The following COG2 variants were observed in gnomAD, a reference collection of about 807,000 sequenced individuals.
COG2 encodes the protein component of oligomeric golgi complex 2, also known as conserved oligomeric Golgi complex subunit 2.
Under a neutral mutation model 90.6 loss-of-function variants are expected in COG2, and 52 were observed. The observed-to-expected ratio is 0.57, with a 90% CI of 0.46 to 0.72. COG2 has a LOEUF of 0.72. Ranked by LOEUF, COG2 falls within the 30% of genes least tolerant of loss-of-function variation. The probability of loss-of-function intolerance (pLI) is 0.00; values close to 1 mark genes in which losing one functional copy is unlikely to be tolerated. For synonymous variants in COG2, 337 were observed against 320.4 expected (o/e 1.05, Z -0.55); for missense variants, 829 against 891.2 (o/e 0.93, Z 0.89).
intron 1 of COG2, chr1:230,643,070 A>G (rs1558265301): frequency 1.6e-5 from 3 of 189,014 alleles, no homozygotes; most frequent in Non-Finnish European, 3.2e-5. Flanking sequence ...AAGCCCACGT[A>G]CTTTCCTAGG....
chr1:230,673,206 A>T (rs1383601307), intron 8 of COG2, among the ~76,000 whole-genome samples: 1 of 152,154 alleles, frequency 6.6e-6, no homozygotes. Context: ...GCTTTAGTGG[A>T]TCTTTTCCAC....
intron 4 of COG2, 32 bp downstream of exon 4, chr1:230,663,253 G>A (rs759827537): frequency 6.4e-6 from 10 of 1,560,678 alleles, no homozygotes; most frequent in Non-Finnish European, 7.9e-6. Flanking sequence ...TTAAATCGTT[G>A]ATTCACTGTA....
chr1:230,688,373 G>A (rs750664041), intron 14 of COG2, 47 bp from the exon 15 acceptor site: 1 of 1,607,630 alleles, frequency 6.2e-7, no homozygotes, highest in East Asian at 2.2e-5. Context: ...TGAAGTTCAT[G>A]TCTGGGCCTG....
chr1:230,689,338 AAT>A (rs760689821), intron 15 of COG2, among the ~76,000 whole-genome samples: 1 of 152,222 alleles, frequency 6.6e-6, no homozygotes, highest in Non-Finnish European at 1.5e-5. Flanking sequence ...GAGAGAAACC[AAT>A]ATGTTATTTT....
At chr1:230,691,294 ATC>A in intron 16 of COG2, 88 bp from the exon 17 acceptor site, 1 of 1,173,078 alleles carries the variant, frequency 8.5e-7, no homozygotes, top group Middle Eastern at 2.0e-4. Flanking sequence ...TATCTTAAAA[ATC>A]TCTTTTTTTG....
In COG2 at chr1:230,687,022, G is replaced by A. The variant is rs768772073; in HGVS notation, c.1468G>A (p.Gly490Arg). The A allele has an allele frequency of 7.4e-6, 12 of 1,611,460 alleles. No individual in the cohort carries two copies. In the Admixed American group the frequency reaches 1.5e-4, roughly 20 times the overall value. ...TAGCAAAGAACCTTCCATCACCCAA[G>A]GAAACACTGAAGACCAAGGAAGTGG... is the stretch of plus-strand genomic sequence containing the variant. ...TGSKEPSITQ[G>R]NTEDQGSGPS... The change falls in exon 13 of 18, where the codon GGA becomes AGA. Residue 490 changes from glycine to arginine, a missense_variant. Coordinates refer to ENST00000366669, the MANE Select transcript of COG2 (RefSeq NM_007357.3).
Position 230,671,499 on chromosome 1 carries a change from G to C in COG2, c.775-17G>C. ...CCTTTTAAATGCTTTTTTAAAAAAT[G>C]ATTTTTCTTTTAATAGGTGATTATA... On this transcript the variant is annotated splice_polypyrimidine_tract_variant and intron_variant, in intron 7 of 17. Transcript: ENST00000366669. 6.3e-7 allele frequency: 1 copy of C among 1,591,572 alleles called. No individual in the cohort carries two copies. The highest frequency in any genetic ancestry group is 1.2e-5 in the South Asian group (1 of 86,750).
rs764359508 is a variant in COG2, at chr1:230,691,480, C to T, written c.2031C>T (p.Asn677=). The change falls in exon 17 of 18, where the codon AAC becomes AAT. Residue 677 remains asparagine (N), a synonymous_variant. Transcript: ENST00000366669. ...LKQARKTTPA[N]PVGPSGGMSD... Reference sequence around the variant, plus strand: ...AAGCCAGAAAAACCACTCCCGCCAACCCCGTCGGTCCCAGTGGTGGCATGA... The same window carrying T: ...AAGCCAGAAAAACCACTCCCGCCAATCCCGTCGGTCCCAGTGGTGGCATGA... The T allele has an allele frequency of 3.1e-6, 5 of 1,614,166 alleles. No homozygotes were observed. The highest frequency in any genetic ancestry group is 4.2e-6 in the Non-Finnish European group (5 of 1,180,030).
At chr1:230,690,360 G>A in intron 16 of COG2, 2 of 471,280 alleles carry the variant, frequency 4.2e-6, no homozygotes, top group Non-Finnish European at 7.4e-6. Context: ...CCTCTGCCTG[G>A]GCTTCAGCCT....
chr1:230,685,376 C>A, intron 12 of COG2, 140 bp downstream of exon 12: 1 of 787,914 alleles, frequency 1.3e-6, no homozygotes, highest in Non-Finnish European at 2.0e-6. Flanking sequence ...CCAAGATTGT[C>A]TCCAGCTCTG....
chr1:230,663,058 TC>T, intron 3 of COG2, 82 bp from the exon 4 acceptor site: 1 of 1,097,234 alleles, frequency 9.1e-7, no homozygotes, highest in Non-Finnish European at 1.3e-6. Context: ...AGGTGTTAAG[TC>T]CTGTGGAATT....
In COG2 at chr1:230,667,853, C is replaced by A. The variant is rs1055432307; in HGVS notation, c.486-823C>A. Reference sequence around the variant, plus strand: ...ACACAGGATGCCTCAGTATACACAGCAAGTGATTATGCCTTTATACTTCTC... The same window carrying A: ...ACACAGGATGCCTCAGTATACACAGAAAGTGATTATGCCTTTATACTTCTC... On this transcript the variant is annotated intron_variant, in intron 5 of 17. Transcript: ENST00000366669. 1.8e-4 allele frequency among the ~76,000 whole-genome samples: 27 copies of A among 152,270 alleles called. 1 individual carries two copies. Among genetic ancestry groups the A allele is most frequent in the African/African-American group, 6.3e-4 (26 of 41,558 alleles).
chr1:230,657,797 C>T (rs1571946112), intron 1 of COG2, among the ~76,000 whole-genome samples: 1 of 152,154 alleles, frequency 6.6e-6, no homozygotes, highest in Middle Eastern at 3.4e-3. Flanking sequence ...CTTGTCTTCT[C>T]ACTTCATTTC....
intron 13 of COG2, 32 bp from the exon 14 acceptor site, chr1:230,688,039 A>G: frequency 6.9e-7 from 1 of 1,444,248 alleles, no homozygotes; most frequent in Non-Finnish European, 9.5e-7. Context: ...TATAAAAAGT[A>G]ACTGAATATA....
intron 10 of COG2, chr1:230,682,532 C>G (rs1164758869): frequency 6.6e-6 from 1 of 152,226 alleles, no homozygotes. Context: ...CTACTGGAAA[C>G]CAGCCAGCTA....
chr1:230,647,292 G>A (rs993503412), intron 1 of COG2, among the ~76,000 whole-genome samples: 2 of 152,136 alleles, frequency 1.3e-5, no homozygotes, highest in Non-Finnish European at 2.9e-5. Flanking sequence ...TTGACTGGGG[G>A]TCTTGGAATA....
intron 2 of COG2, among the ~76,000 whole-genome samples, chr1:230,660,350 T>C (rs945914948): frequency 6.6e-6 from 1 of 152,236 alleles, no homozygotes; most frequent in Non-Finnish European, 1.5e-5. Flanking sequence ...TTCATTTTGA[T>C]TTTTCTCAAG....
chr1:230,679,274 G>C (rs570852945), intron 10 of COG2: 57 of 408,498 alleles, frequency 1.4e-4, no homozygotes, highest in Non-Finnish European at 2.3e-4. Context: ...TAATTGGAGA[G>C]CTCAGAACAC....
chr1:230,679,624 G>A (rs1477601779), intron 10 of COG2: 1 of 152,094 alleles, frequency 6.6e-6, no homozygotes, highest in Non-Finnish European at 1.5e-5. Context: ...TTTCTTCCAG[G>A]TTTCATGATG....
Sources: allele counts gnomAD v4.1 joint callset (sites outside exome capture counted in the v4.1 genomes callset), GRCh38; gene constraint gnomAD v4.1.1; transcripts MANE v1.5; gene names NCBI Gene and HGNC (gene_info 2026-07-23, HGNC 2026-07-21).